GRM1: variants seen among roughly 807,000 people sequenced by gnomAD.
The protein encoded by GRM1 is metabotropic glutamate receptor 1.
Under a neutral mutation model 90.9 loss-of-function variants are expected in GRM1, and 33 were observed. The ratio of observed to expected loss-of-function variants is 0.36; its 90% CI spans 0.28 to 0.49. GRM1 has a LOEUF of 0.49. GRM1 is among the 20% of genes least tolerant of loss of function. GRM1 has a pLI of 0.99. For missense variants in GRM1, 1,190 were observed against 1,534.3 expected (o/e 0.78, Z 3.75); for synonymous variants, 700 against 613.2 (o/e 1.14, Z -2.09).
intron 1 of GRM1, among the ~76,000 whole-genome samples, chr6:146,063,471 A>G (rs1354264027): frequency 3.3e-5 from 5 of 152,070 alleles, no homozygotes; most frequent in African/African-American, 1.2e-4. Context: ...ACTTACTAAG[A>G]TTTTTTCTCA....
At chr6:146,425,893 C>G (rs1236560634) in intron 7 of GRM1, among the ~76,000 whole-genome samples, 2 of 152,166 alleles carry the variant, frequency 1.3e-5, no homozygotes, top group African/African-American at 4.8e-5. Context: ...TCATGTCTAG[C>G]TAGTTCTCTT....
At chr6:146,076,406 G>T (rs187884933) in intron 1 of GRM1, among the ~76,000 whole-genome samples, 3 of 152,150 alleles carry the variant, frequency 2.0e-5, no homozygotes, top group African/African-American at 4.8e-5. Context: ...CAATCTGATC[G>T]CAATATTCCA....
intron 2 of GRM1, among the ~76,000 whole-genome samples, chr6:146,181,683 G>C (rs940286342): frequency 2.0e-5 from 3 of 152,114 alleles, no homozygotes; most frequent in African/African-American, 7.2e-5. Flanking sequence ...AGCTCAAGCT[G>C]TCAATTTCTC....
intron 2 of GRM1, among the ~76,000 whole-genome samples, chr6:146,196,463 ATTTT>A (rs772811053): frequency 1.2e-5 from 1 of 85,990 alleles, no homozygotes; most frequent in East Asian, 3.4e-4. Context: ...AATTTTTTGT[ATTTT>A]TTTTTTTTTT....
chr6:146,207,997 A>T (rs1779551771), intron 2 of GRM1, among the ~76,000 whole-genome samples: 1 of 151,934 alleles, frequency 6.6e-6, no homozygotes, highest in African/African-American at 2.4e-5. Context: ...CTTGCAAAAG[A>T]CCTCTTTCTC....
At chr6:146,324,055 G>A (rs1784306820) in intron 3 of GRM1, among the ~76,000 whole-genome samples, 1 of 152,168 alleles carries the variant, frequency 6.6e-6, no homozygotes, top group Admixed American at 6.5e-5. Flanking sequence ...TTTTGGCTTA[G>A]GATTGACTTG....
At chr6:146,392,598 CATAGGTATA>C (rs1776769271) in intron 6 of GRM1, among the ~76,000 whole-genome samples, 1 of 152,120 alleles carries the variant, frequency 6.6e-6, no homozygotes. Flanking sequence ...AGATTTGTTA[CATAGGTATA>C]CATGTGCCAT....
intron 2 of GRM1, among the ~76,000 whole-genome samples, chr6:146,168,355 G>A (rs1211754347): frequency 6.6e-6 from 1 of 151,842 alleles, no homozygotes; most frequent in Non-Finnish European, 1.5e-5. Flanking sequence ...TATGATATAA[G>A]AAGTTTATGA....
chr6:146,230,038 CTTAA>C (rs1311063578), intron 2 of GRM1, among the ~76,000 whole-genome samples: 4 of 152,110 alleles, frequency 2.6e-5, no homozygotes, highest in African/African-American at 9.7e-5. Flanking sequence ...AATAAAAGGA[CTTAA>C]TTATTTGGGA....
intron 1 of GRM1, among the ~76,000 whole-genome samples, chr6:146,157,279 G>A (rs144846253): frequency 3.2e-4 from 48 of 152,232 alleles, no homozygotes; most frequent in African/African-American, 1.1e-3. Context: ...TTCCAGGAGG[G>A]TATGGCCAAC....
intron 7 of GRM1, among the ~76,000 whole-genome samples, chr6:146,426,795 G>T (rs1778228109): frequency 6.6e-6 from 1 of 152,098 alleles, no homozygotes; most frequent in Non-Finnish European, 1.5e-5. Flanking sequence ...GCCTTAAATT[G>T]ATTGTCCATC....
chr6:146,269,991 G>A (rs1266790826), intron 2 of GRM1, among the ~76,000 whole-genome samples: 1 of 151,716 alleles, frequency 6.6e-6, no homozygotes, highest in East Asian at 1.9e-4. Flanking sequence ...AGAAATGGGG[G>A]GATCAATTTG....
chr6:146,399,114 A>T lies in GRM1; in HGVS notation c.2075A>T (p.Lys692Met). The change falls in exon 7 of 8, where the codon AAG becomes ATG. Residue 692 changes from lysine to methionine, a missense_variant. Lys to Met is a moderately conservative substitution (Grantham distance 95, BLOSUM62 -1). This residue lies in a region of GRM1 where 414 missense variants were observed against 598.4 expected (regional missense o/e 0.69). Coordinates refer to ENST00000282753, the MANE Select transcript of GRM1 (RefSeq NM_001278064.2). This position sits in a 1 kb window ranked among gnomAD's most constrained non-coding sequence, Gnocchi z 5.4. The part of the protein sequence containing the change: ...IARILAGSKK[K>M]ICTRKPRFMS... ...CGCATCCTGGCTGGCAGCAAGAAGAAGATCTGCACCCGGAAGCCCAGGTTC... is the reference window on the plus strand; with the variant it reads ...CGCATCCTGGCTGGCAGCAAGAAGATGATCTGCACCCGGAAGCCCAGGTTC... 6.2e-7 allele frequency: 1 copy of T among 1,614,152 alleles called. No individual in the cohort carries two copies. Among genetic ancestry groups the T allele is most frequent in the Non-Finnish European group, 8.5e-7 (1 of 1,180,020 alleles).
chr6:146,336,367 G>A (rs910611259), intron 3 of GRM1, among the ~76,000 whole-genome samples: 1 of 152,168 alleles, frequency 6.6e-6, no homozygotes. Context: ...TGTCTCAGCT[G>A]GAGAGAAGCT....
chr6:146,366,785 A>G (rs1236507275), intron 5 of GRM1, among the ~76,000 whole-genome samples: 3 of 152,136 alleles, frequency 2.0e-5, no homozygotes, highest in African/African-American at 7.2e-5. Flanking sequence ...AGTTATTTAC[A>G]TATTCTGGTT....
intron 1 of GRM1, among the ~76,000 whole-genome samples, chr6:146,088,357 T>A (rs950764821): frequency 3.9e-5 from 6 of 152,146 alleles, no homozygotes; most frequent in Non-Finnish European, 8.8e-5. Flanking sequence ...TTGCCAGGTA[T>A]GTGGTCATGT....
chr6:146,256,985 A>G (rs774652908), intron 2 of GRM1, among the ~76,000 whole-genome samples: 13 of 152,122 alleles, frequency 8.5e-5, no homozygotes, highest in African/African-American at 2.7e-4. Flanking sequence ...TGAACAGCAC[A>G]TAAGTTTTCT....
chr6:146,039,414 G>A (rs1791014996), intron 1 of GRM1, among the ~76,000 whole-genome samples: 2 of 152,002 alleles, frequency 1.3e-5, no homozygotes, highest in Admixed American at 6.6e-5. Context: ...CTGGGAAAAT[G>A]AGTGGGGAAG....
At chr6:146,381,201 A>G (rs1776306035) in intron 5 of GRM1, among the ~76,000 whole-genome samples, 1 of 152,162 alleles carries the variant, frequency 6.6e-6, no homozygotes, top group African/African-American at 2.4e-5. Flanking sequence ...GACTCACCTA[A>G]AAGTTCCAAT....
Sources: allele counts gnomAD v4.1 joint callset (sites outside exome capture counted in the v4.1 genomes callset), GRCh38; gene constraint gnomAD v4.1.1; regional missense constraint gnomAD v4.1.1; non-coding constraint Gnocchi (gnomAD v3.1); transcripts MANE v1.5; gene names NCBI Gene and HGNC (gene_info 2026-07-23, HGNC 2026-07-21).